SGCZ: variants seen among roughly 807,000 people sequenced by gnomAD.
SGCZ encodes zeta-sarcoglycan.
A neutral mutation model predicts 41.3 loss-of-function variants in SGCZ; 40 were observed. That is an observed-to-expected ratio of 0.97 (90% CI 0.75 to 1.26). SGCZ has a LOEUF of 1.26. Among genes scored for constraint, SGCZ ranks in the 50% most tolerant of loss-of-function variants. The pLI is 0.00. For missense variants in SGCZ, 552 were observed against 369.8 expected (o/e 1.49, Z -4.04); for synonymous variants, 206 against 137.5 (o/e 1.50, Z -3.49).
At chr8:15,133,839 G>GA (rs1808007562) in intron 1 of SGCZ, among the ~76,000 whole-genome samples, 1 of 152,070 alleles carries the variant, frequency 6.6e-6, no homozygotes, top group South Asian at 2.1e-4. Context: ...TCAGATTTGT[G>GA]AAAAAAACAA....
At chr8:14,477,340 T>C (rs1801390695) in intron 2 of SGCZ, among the ~76,000 whole-genome samples, 1 of 152,112 alleles carries the variant, frequency 6.6e-6, no homozygotes. Context: ...TGGTTTTAAG[T>C]GTTTGATTTT....
chr8:14,240,935 T>A (rs969606111), intron 3 of SGCZ, among the ~76,000 whole-genome samples: 18 of 152,182 alleles, frequency 1.2e-4, no homozygotes, highest in African/African-American at 4.3e-4. Flanking sequence ...TTAAGGGAGA[T>A]ACAATCCTAA....
At chr8:14,326,823 G>A (rs1444814804) in intron 2 of SGCZ, among the ~76,000 whole-genome samples, 1 of 152,034 alleles carries the variant, frequency 6.6e-6, no homozygotes, top group Non-Finnish European at 1.5e-5. Context: ...CTCAGATTTA[G>A]ACATTCAATT....
chr8:15,069,061 C>T (rs977675227), intron 1 of SGCZ, among the ~76,000 whole-genome samples: 1 of 152,222 alleles, frequency 6.6e-6, no homozygotes, highest in Admixed American at 6.5e-5. Context: ...TATTGGCTGA[C>T]AGACGGCACC....
chr8:14,404,407 G>A (rs1344503056), intron 2 of SGCZ, among the ~76,000 whole-genome samples: 1 of 152,080 alleles, frequency 6.6e-6, no homozygotes, highest in East Asian at 1.9e-4. Context: ...GAGTGTTTGG[G>A]AATTTTTGAG....
intron 1 of SGCZ, among the ~76,000 whole-genome samples, chr8:14,629,727 T>A (rs1278771842): frequency 6.6e-6 from 1 of 151,054 alleles, no homozygotes; most frequent in Non-Finnish European, 1.5e-5. Context: ...AGGACTTTTT[T>A]AGGGTAAACA....
At chr8:14,561,288 T>A (rs1804200485) in intron 1 of SGCZ, among the ~76,000 whole-genome samples, 2 of 152,154 alleles carry the variant, frequency 1.3e-5, no homozygotes, top group South Asian at 2.1e-4. Flanking sequence ...AATAAAAGTA[T>A]TTTTTACTAA....
At position 15,186,102 on chromosome 8, in the gene SGCZ, A is replaced by T. The variant is rs569789427; in HGVS notation, c.39+51483T>A. 2.8e-4 allele frequency among the ~76,000 whole-genome samples: 10 copies of T among 35,876 alleles called. No homozygotes were observed. The East Asian group carries it at 5.7e-3, about 20-fold the overall frequency. 23.5% of individuals were successfully genotyped at this position (35,876 alleles called of 152,430 possible). On this transcript the variant is annotated intron_variant, in intron 1 of 7. Coordinates refer to ENST00000382080, the MANE Select transcript of SGCZ (RefSeq NM_139167.4). ...ATAAATAAAAAATAAATAAAAAAATAAAAAAAAAACTTAGCCGGGCATGGC... is the reference window on the plus strand; with the variant it reads ...ATAAATAAAAAATAAATAAAAAAATTAAAAAAAAACTTAGCCGGGCATGGC...
intron 1 of SGCZ, among the ~76,000 whole-genome samples, chr8:15,150,935 C>T (rs900124140): frequency 6.6e-6 from 1 of 152,136 alleles, no homozygotes; most frequent in Admixed American, 6.6e-5. Flanking sequence ...ATTCATTCTC[C>T]TCTAGTGTGG....
chr8:14,268,133 T>G (rs948875031), intron 3 of SGCZ, among the ~76,000 whole-genome samples: 6 of 150,446 alleles, frequency 4.0e-5, no homozygotes, highest in African/African-American at 1.5e-4. Context: ...CTTTGAATAG[T>G]TTAATGATAA....
intron 4 of SGCZ, among the ~76,000 whole-genome samples, chr8:14,175,320 A>G (rs1368731352): frequency 1.3e-5 from 2 of 152,172 alleles, no homozygotes; most frequent in Admixed American, 1.3e-4. Flanking sequence ...AAATGAAGAC[A>G]GCTCAAAAAT....
At chr8:14,107,580 C>G (rs1043613250) in intron 6 of SGCZ, among the ~76,000 whole-genome samples, 4 of 152,226 alleles carry the variant, frequency 2.6e-5, no homozygotes, top group African/African-American at 9.6e-5. Context: ...CCTATATACA[C>G]CACACATTTC....
chr8:15,229,069 G>A (rs936637796), intron 1 of SGCZ, among the ~76,000 whole-genome samples: 3 of 152,132 alleles, frequency 2.0e-5, no homozygotes, highest in African/African-American at 7.2e-5. Flanking sequence ...GCGGGTGCCT[G>A]TAATCCCAGC....
intron 1 of SGCZ, among the ~76,000 whole-genome samples, chr8:14,602,192 G>A (rs558893120): frequency 6.6e-6 from 1 of 152,128 alleles, no homozygotes; most frequent in Admixed American, 6.5e-5. Flanking sequence ...TTCTGCTTCA[G>A]AGCTTCAGAG....
chr8:14,882,981 A>C (rs1440955663), intron 1 of SGCZ, among the ~76,000 whole-genome samples: 1 of 152,100 alleles, frequency 6.6e-6, no homozygotes, highest in Non-Finnish European at 1.5e-5. Flanking sequence ...TATTGATTGC[A>C]TCTCATTTTA....
chr8:15,012,371 G>A (rs533181322), intron 1 of SGCZ, among the ~76,000 whole-genome samples: 1 of 151,026 alleles, frequency 6.6e-6, no homozygotes, highest in Non-Finnish European at 1.5e-5. Context: ...GCTGAAGTGA[G>A]AGGATCACTT....
chr8:14,384,739 C>T (rs532763123), intron 2 of SGCZ, among the ~76,000 whole-genome samples: 23 of 152,120 alleles, frequency 1.5e-4, no homozygotes, highest in Non-Finnish European at 2.2e-4. Context: ...TTTGTAGAGA[C>T]GAGGTTTTGC....
At chr8:14,107,685 C>T (rs1403317665) in intron 6 of SGCZ, among the ~76,000 whole-genome samples, 1 of 152,084 alleles carries the variant, frequency 6.6e-6, no homozygotes, top group African/African-American at 2.4e-5. Flanking sequence ...GTTGCCCAGG[C>T]TGGAGCACAG....
At chr8:15,109,979 T>A (rs1414107513) in intron 1 of SGCZ, among the ~76,000 whole-genome samples, 1 of 152,216 alleles carries the variant, frequency 6.6e-6, no homozygotes, top group African/African-American at 2.4e-5. Context: ...CAAATAATTT[T>A]AAAAATAAAG....
Sources: gnomAD v4.1 joint callset for allele counts (sites outside exome capture counted in the v4.1 genomes callset) on GRCh38, gnomAD v4.1.1 for gene constraint, MANE v1.5 for transcripts, NCBI Gene and HGNC (gene_info 2026-07-23, HGNC 2026-07-21) for gene names.